The following DMD variants were observed in gnomAD, a reference collection of about 807,000 sequenced individuals.
DMD encodes the protein dystrophin, also known as mutant dystrophin.
A neutral mutation model predicts 330.1 loss-of-function variants in DMD; 63 were observed. That is an observed-to-expected ratio of 0.19 (90% CI 0.16 to 0.24). The LOEUF is 0.24. Among genes scored for constraint, DMD ranks in the 10% least tolerant of loss-of-function variants. The pLI, the probability that DMD is intolerant of heterozygous loss-of-function variation, is 1.00. For synonymous variants in DMD, 1,223 were observed against 959.8 expected (o/e 1.27, Z -5.07); for missense variants, 3,344 against 2,684.1 (o/e 1.25, Z -5.43).
rs756469272 is a variant in DMD at position 32,441,244 on chromosome X, T to A, written c.3857A>T (p.Glu1286Val). ...EKANKWLNEVEFKLKTTENIP... is the reference protein window; with the variant it reads ...EKANKWLNEVVFKLKTTENIP... ...GTTTTCAGTGGTTTTAAGTTTAAATTCTACTTCATTTAGCCACTTGTTTGC... is the reference window on the plus strand; with the variant it reads ...GTTTTCAGTGGTTTTAAGTTTAAATACTACTTCATTTAGCCACTTGTTTGC... Residue 1286 changes from glutamate to valine, a missense_variant, in exon 28 of 79, where the codon GAA becomes GTA. Coordinates refer to ENST00000357033, the MANE Select transcript of DMD (RefSeq NM_004006.3). 6 of 1,207,251 alleles carry A rather than the reference T, an allele frequency of 5.0e-6. No homozygotes were observed. Among genetic ancestry groups the A allele is most frequent in the East Asian group, 5.9e-5 (2 of 33,681 alleles).
At chrX:31,819,584 G>A (rs368131163) in intron 50 of DMD, among the ~76,000 whole-genome samples, 1 of 112,972 alleles carries the variant, frequency 8.9e-6, no homozygotes, top group East Asian at 2.8e-4. Flanking sequence ...ATGGCTGGCT[G>A]GATCAGGAAT....
At chrX:32,435,134 C>T (rs929849654) in intron 29 of DMD, among the ~76,000 whole-genome samples, 5 of 107,445 alleles carry the variant, frequency 4.7e-5, no homozygotes, top group Non-Finnish European at 9.6e-5. Flanking sequence ...TTTTATTTAA[C>T]TAATGGAGGC....
At chrX:32,557,961 TTAA>T (rs1432348091) in intron 16 of DMD, among the ~76,000 whole-genome samples, 1 of 110,028 alleles carries the variant, frequency 9.1e-6, no homozygotes, top group Non-Finnish European at 1.9e-5. Context: ...TTAATTTATA[TTAA>T]TAATTAATTT....
chrX:31,197,359 C>T (rs1458816291), intron 67 of DMD, among the ~76,000 whole-genome samples: 1 of 112,169 alleles, frequency 8.9e-6, no homozygotes, highest in Non-Finnish European at 1.9e-5. Flanking sequence ...GCTGGGACTA[C>T]AGGGGCATGC....
At chrX:31,711,218 C>G (rs1264721977) in intron 52 of DMD, among the ~76,000 whole-genome samples, 1 of 111,524 alleles carries the variant, frequency 9.0e-6, no homozygotes, top group African/African-American at 3.3e-5. Flanking sequence ...AAAACAATCA[C>G]TAGTTAAGTA....
intron 44 of DMD, among the ~76,000 whole-genome samples, chrX:31,971,663 G>A (rs1267591543): frequency 1.8e-5 from 2 of 111,110 alleles, no homozygotes; most frequent in Non-Finnish European, 3.8e-5. Context: ...GCTTGTATGT[G>A]GTGTTTTCTG....
At chrX:31,319,428 A>G (rs1434415231) in intron 62 of DMD, among the ~76,000 whole-genome samples, 1 of 112,392 alleles carries the variant, frequency 8.9e-6, no homozygotes, top group African/African-American at 3.2e-5. Context: ...AAGGATGCAG[A>G]TTCAAGAGAA....
chrX:32,329,418 A>C (rs1475589410), intron 41 of DMD, among the ~76,000 whole-genome samples: 1 of 111,943 alleles, frequency 8.9e-6, no homozygotes, highest in Non-Finnish European at 1.9e-5. Context: ...AATTGCAATG[A>C]CCTGAGGTAG....
At chrX:31,462,984 G>A (rs2066628205) in intron 59 of DMD, among the ~76,000 whole-genome samples, 1 of 112,145 alleles carries the variant, frequency 8.9e-6, no homozygotes, top group African/African-American at 3.2e-5. Context: ...TGAATGTGCT[G>A]AAAGATTCCT....
chrX:32,736,488 T>G (rs745394480), intron 7 of DMD, among the ~76,000 whole-genome samples: 1 of 110,386 alleles, frequency 9.1e-6, no homozygotes, highest in South Asian at 3.8e-4. Context: ...GCGGCATTAT[T>G]CACGATAGCA....
chrX:32,664,285 A>G (rs985817446), intron 9 of DMD, among the ~76,000 whole-genome samples: 2 of 89,452 alleles, frequency 2.2e-5, no homozygotes, highest in African/African-American at 8.9e-5. Context: ...TCTGTCACCC[A>G]GGCTGGAGTG....
chrX:32,492,065 C>G, intron 19 of DMD, among the ~76,000 whole-genome samples: 2 of 112,167 alleles, frequency 1.8e-5, no homozygotes, highest in Middle Eastern at 9.2e-3. Context: ...GTCGGCTGGG[C>G]ACGGTGGCTC....
rs1028714861 is a variant in DMD, at chrX:31,160,156, T to C, written c.10553+9287A>G. Among the ~76,000 whole-genome samples the C allele has an allele frequency of 2.7e-5, 3 of 111,167 alleles. No individual in the cohort carries two copies. The South Asian group carries it at 1.2e-3, about 44-fold the overall frequency. On this transcript the variant is annotated intron_variant, in intron 74 of 78. Transcript: ENST00000357033. ...TCATTTCACAAGAAAGAACTCCCGA[T>C]AGCAAGTTAATTGCATCAAGTCACT...
At chrX:31,317,088 C>T (rs943202029) in intron 62 of DMD, among the ~76,000 whole-genome samples, 6 of 112,039 alleles carry the variant, frequency 5.4e-5, no homozygotes, top group East Asian at 2.8e-4. Context: ...ATTTCTATTT[C>T]GAAGTCAACA....
At chrX:32,844,656 C>CA in intron 4 of DMD, 127 bp downstream of exon 4, 2 of 570,817 alleles carry the variant, frequency 3.5e-6, no homozygotes. Context: ...CATGTGCTCT[C>CA]AGTAAGAACT....
intron 1 of DMD, among the ~76,000 whole-genome samples, chrX:33,205,595 T>C (rs1343929077): frequency 8.9e-6 from 1 of 112,031 alleles, no homozygotes; most frequent in Non-Finnish European, 1.9e-5. Flanking sequence ...TATGCCCTTT[T>C]ATAGTCCTGA....
chrX:33,114,254 T>G lies in DMD; in HGVS notation c.32-94054A>C, dbSNP rs184032124. Among the ~76,000 whole-genome samples, 320 of 108,353 alleles carry G rather than the reference T, an allele frequency of 3.0e-3. 2 individuals are homozygous for G. The highest frequency in any genetic ancestry group is 0.01 in the African/African-American group (308 of 29,818). 94.1% of individuals were successfully genotyped at this position (108,353 alleles called of 115,157 possible). Reference sequence around the variant, plus strand: ...CCTCCCGAGTAGCTGAGATTACAGATGCCCACCACCACGCCTGGCTAAATT... The same window carrying G: ...CCTCCCGAGTAGCTGAGATTACAGAGGCCCACCACCACGCCTGGCTAAATT... On this transcript the variant is annotated intron_variant, in intron 1 of 78. Transcript: ENST00000357033.
At chrX:32,154,633 G>GA (rs1439020963) in intron 44 of DMD, among the ~76,000 whole-genome samples, 1 of 111,661 alleles carries the variant, frequency 9.0e-6, no homozygotes, top group Non-Finnish European at 1.9e-5. Flanking sequence ...GCTGCTTTCA[G>GA]AAAACAATCA....
chrX:33,069,964 T>C (rs1389756500), intron 1 of DMD, among the ~76,000 whole-genome samples: 1 of 111,761 alleles, frequency 8.9e-6, no homozygotes, highest in East Asian at 2.8e-4. Context: ...TCAAGCCATA[T>C]CAACAATCTT....
Sources: gnomAD v4.1 joint callset for allele counts (sites outside exome capture counted in the v4.1 genomes callset) on GRCh38, gnomAD v4.1.1 for gene constraint, MANE v1.5 for transcripts, NCBI Gene and HGNC (gene_info 2026-07-23, HGNC 2026-07-21) for gene names.